Variants in PTPRD observed in about 807,000 individuals in gnomAD.
PTPRD encodes the protein protein tyrosine phosphatase receptor type D, also known as receptor-type tyrosine-protein phosphatase delta.
In PTPRD, 34 loss-of-function variants were observed where a neutral mutation model predicts 214.5. The observed-to-expected ratio is 0.16, with a 90% CI of 0.12 to 0.21. PTPRD has a LOEUF of 0.21. Among genes scored for constraint, PTPRD ranks in the 10% least tolerant of loss-of-function variants. The pLI, the probability that PTPRD is intolerant of heterozygous loss-of-function variation, is 1.00. For missense variants in PTPRD, 2,545 were observed against 2,398.7 expected (o/e 1.06, Z -1.27); for synonymous variants, 1,128 against 845.7 (o/e 1.33, Z -5.79).
At chr9:9,231,367 T>C (rs1469144731) in intron 9 of PTPRD, among the ~76,000 whole-genome samples, 1 of 152,078 alleles carries the variant, frequency 6.6e-6, no homozygotes, top group Non-Finnish European at 1.5e-5. Flanking sequence ...GTAATTAGAG[T>C]ATATTATTGA....
At chr9:9,068,129 T>A (rs1256026094) in intron 10 of PTPRD, among the ~76,000 whole-genome samples, 3 of 152,198 alleles carry the variant, frequency 2.0e-5, no homozygotes, top group Admixed American at 6.5e-5. Flanking sequence ...AGCTTTTACT[T>A]AGCATAATTT....
chr9:8,699,910 T>C (rs1165110942), intron 12 of PTPRD, among the ~76,000 whole-genome samples: 3 of 152,214 alleles, frequency 2.0e-5, no homozygotes, highest in Non-Finnish European at 2.9e-5. Context: ...GGCCATTTTG[T>C]AGGCCCTGAT....
chr9:8,695,440 G>A (rs914733984), intron 12 of PTPRD, among the ~76,000 whole-genome samples: 3 of 151,636 alleles, frequency 2.0e-5, no homozygotes, highest in South Asian at 4.2e-4. Flanking sequence ...TAGAATGAGA[G>A]TAGATAAAAT....
At position 8,448,346 on chromosome 9, in the gene PTPRD, A is replaced by G. The variant is rs372599248; in HGVS notation, c.3988+1379T>C. On this transcript the variant is annotated intron_variant, in intron 34 of 45. Coordinates refer to ENST00000381196, the MANE Select transcript of PTPRD (RefSeq NM_002839.4). The stretch of plus-strand genomic sequence containing the variant: ...CTGTCTCAAAAAACCCATCAATCAA[A>G]CAAACAACCAAAAACAAAAAGAAGT... 7.9e-5 allele frequency among the ~76,000 whole-genome samples: 12 copies of G among 152,208 alleles called. No homozygotes were observed. In the East Asian group the frequency reaches 1.4e-3, roughly 17 times the overall value.
chr9:8,541,660 C>A (rs1273426943), intron 14 of PTPRD, among the ~76,000 whole-genome samples: 1 of 152,140 alleles, frequency 6.6e-6, no homozygotes, highest in African/African-American at 2.4e-5. Context: ...CGTCACTGCG[C>A]CCAGCCTTTG....
At chr9:8,823,692 G>C (rs569376992) in intron 11 of PTPRD, among the ~76,000 whole-genome samples, 9 of 151,752 alleles carry the variant, frequency 5.9e-5, no homozygotes, top group African/African-American at 2.2e-4. Flanking sequence ...GGAAAGGAAA[G>C]GGAAAGGAAA....
At chr9:10,406,903 T>C (rs2098371507) in intron 2 of PTPRD, among the ~76,000 whole-genome samples, 1 of 151,544 alleles carries the variant, frequency 6.6e-6, no homozygotes, top group Non-Finnish European at 1.5e-5. Context: ...ACAGGAGCAA[T>C]CACCTATTTA....
At chr9:8,388,270 G>C (rs1383887102) in intron 37 of PTPRD, among the ~76,000 whole-genome samples, 1 of 152,126 alleles carries the variant, frequency 6.6e-6, no homozygotes, top group African/African-American at 2.4e-5. Flanking sequence ...AACATTTACA[G>C]AACCTCAACT....
intron 9 of PTPRD, among the ~76,000 whole-genome samples, chr9:9,206,636 T>C (rs1014719320): frequency 1.3e-5 from 2 of 152,142 alleles, no homozygotes; most frequent in Non-Finnish European, 2.9e-5. Context: ...ACAAAAGAAG[T>C]TGGAAAGAGC....
At position 8,500,909 on chromosome 9, in the gene PTPRD, T is replaced by A. The variant is rs2136971110; in HGVS notation, c.1973A>T (p.Lys658Met). 6.2e-7 allele frequency: 1 copy of A among 1,614,176 alleles called. No individual in the cohort carries two copies. The highest frequency in any genetic ancestry group is 8.5e-7 in the Non-Finnish European group (1 of 1,180,028). ...AGGAATTCCCAAAATCTCGTGAGGC[T>A]TGTCATCTTCCCCATCCACTGCAGT... ...KYTAVDGEDD[K>M]PHEILGIPSD... The change falls in exon 24 of 46, where the codon AAG (lysine) becomes ATG (methionine). Residue 658 changes from lysine (K) to methionine (M), a missense_variant. Lys to Met is a moderately conservative substitution (Grantham distance 95). Transcript: ENST00000381196.
chr9:9,421,674 G>A (rs2078855976), intron 8 of PTPRD, among the ~76,000 whole-genome samples: 1 of 152,002 alleles, frequency 6.6e-6, no homozygotes, highest in South Asian at 2.1e-4. Context: ...ACACTGAACT[G>A]GCCAAAGGTG....
chr9:9,195,716 CAA>C (rs373628761), intron 9 of PTPRD, among the ~76,000 whole-genome samples: 9 of 130,184 alleles, frequency 6.9e-5, no homozygotes, highest in Non-Finnish European at 6.9e-5. Flanking sequence ...TTTTTAAATG[CAA>C]AAAAAAAAAA....
chr9:8,715,417 T>A (rs186216136), intron 12 of PTPRD, among the ~76,000 whole-genome samples: 1 of 152,292 alleles, frequency 6.6e-6, no homozygotes, highest in East Asian at 1.9e-4. Context: ...ACCACCAGCA[T>A]CCAGCGATAT....
At chr9:10,203,246 G>C (rs294813) in intron 3 of PTPRD, among the ~76,000 whole-genome samples, 2 of 150,302 alleles carry the variant, frequency 1.3e-5, no homozygotes, top group South Asian at 2.1e-4. Context: ...TTTACCTGAC[G>C]GCTTGGTGGC....
intron 6 of PTPRD, among the ~76,000 whole-genome samples, chr9:9,756,565 G>T (rs1037713749): frequency 3.3e-5 from 5 of 152,056 alleles, no homozygotes; most frequent in African/African-American, 1.2e-4. Context: ...GAGCAGATAG[G>T]GGGTGGGGGT....
At chr9:9,247,152 G>A (rs2131358955) in intron 9 of PTPRD, among the ~76,000 whole-genome samples, 1 of 152,128 alleles carries the variant, frequency 6.6e-6, no homozygotes, top group African/African-American at 2.4e-5. Flanking sequence ...AATTCTTTGA[G>A]CTACTCTTGT....
chr9:9,383,442 A>T (rs1203457466), intron 9 of PTPRD, among the ~76,000 whole-genome samples: 2 of 152,188 alleles, frequency 1.3e-5, no homozygotes, highest in Non-Finnish European at 2.9e-5. Context: ...CAAAGTACTA[A>T]CTGAACTTAT....
intron 10 of PTPRD, among the ~76,000 whole-genome samples, chr9:9,097,791 T>A (rs2099785801): frequency 6.7e-6 from 1 of 149,656 alleles, no homozygotes; most frequent in African/African-American, 2.5e-5. Context: ...AGAAGACCTG[T>A]CTTTGTTACG....
intron 2 of PTPRD, among the ~76,000 whole-genome samples, chr9:10,500,627 C>T (rs1056393172): frequency 6.6e-6 from 1 of 151,822 alleles, no homozygotes; most frequent in African/African-American, 2.4e-5. Flanking sequence ...GTAGTGCTAG[C>T]AAATAATGGA....
Sources: gnomAD v4.1 joint callset for allele counts (sites outside exome capture counted in the v4.1 genomes callset) on GRCh38, gnomAD v4.1.1 for gene constraint, MANE v1.5 for transcripts, NCBI Gene and HGNC (gene_info 2026-07-23, HGNC 2026-07-21) for gene names.